Variants in APBB2 observed in about 807,000 individuals in gnomAD.
APBB2 encodes the protein Fe65-like 1.
In APBB2, 38 loss-of-function variants were observed where a neutral mutation model predicts 82.5. That is an observed-to-expected ratio of 0.46 (90% confidence interval 0.36 to 0.60). The LOEUF (loss-of-function observed/expected upper bound fraction) is 0.60. Among genes scored for constraint, APBB2 ranks in the 20% least tolerant of loss-of-function variants. The probability of loss-of-function intolerance (pLI) is 0.00; values close to 1 mark genes in which losing one functional copy is unlikely to be tolerated. For missense variants in APBB2, 772 were observed against 972.3 expected (o/e 0.79, Z 2.74); for synonymous variants, 341 against 368.2 (o/e 0.93, Z 0.85).
intron 12 of APBB2, among the ~76,000 whole-genome samples, chr4:40,867,696 C>T (rs947110436): frequency 2.6e-5 from 4 of 152,156 alleles, no homozygotes; most frequent in African/African-American, 4.8e-5. Flanking sequence ...TCTGAGATGA[C>T]GTTCCCATGT....
intron 3 of APBB2, among the ~76,000 whole-genome samples, chr4:41,097,280 ACCATTTTGAGCACATATTCAGAC>A (rs1344112866): frequency 6.6e-6 from 1 of 152,216 alleles, no homozygotes; most frequent in African/African-American, 2.4e-5. Flanking sequence ...AGTGACACTT[ACCATTTTGAGCACATATTCAGAC>A]CCATGAGCCT....
At chr4:41,107,442 G>C (rs1747663099) in intron 2 of APBB2, among the ~76,000 whole-genome samples, 1 of 152,204 alleles carries the variant, frequency 6.6e-6, no homozygotes, top group Non-Finnish European at 1.5e-5. Context: ...AAATATCAAA[G>C]GGAGAGCAGA....
chr4:41,053,548 A>G (rs957621705), intron 4 of APBB2, among the ~76,000 whole-genome samples: 2 of 152,238 alleles, frequency 1.3e-5, no homozygotes, highest in Admixed American at 1.3e-4. Flanking sequence ...AAATTTAATA[A>G]TACCATTACC....
intron 10 of APBB2, among the ~76,000 whole-genome samples, chr4:40,930,658 G>GT (rs1272146257): frequency 6.6e-6 from 1 of 152,228 alleles, no homozygotes; most frequent in East Asian, 1.9e-4. Context: ...TAAGTAGGGA[G>GT]TAAGGAAGAT....
intron 10 of APBB2, among the ~76,000 whole-genome samples, chr4:40,899,048 G>C (rs554565167): frequency 6.6e-6 from 1 of 152,282 alleles, no homozygotes; most frequent in East Asian, 1.9e-4. Context: ...CCTAAGTTAT[G>C]TGGTTCCTCA....
rs112929849 is a variant in APBB2 at position 40,954,094 on chromosome 4, G to C, written c.836-9021C>G. 4.7e-3 allele frequency among the ~76,000 whole-genome samples: 710 copies of C among 152,282 alleles called. 4 individuals are homozygous for C. Among genetic ancestry groups the C allele is most frequent in the Non-Finnish European group, 8.0e-3 (543 of 68,020 alleles). Reference sequence around the variant, plus strand: ...GGCTTCTGAACAAGGACCACTCCCGGGTGGGGCCAGTGTGTGAAGCAAACC... The same window carrying C: ...GGCTTCTGAACAAGGACCACTCCCGCGTGGGGCCAGTGTGTGAAGCAAACC... On this transcript the variant is annotated intron_variant, in intron 6 of 17. Coordinates refer to ENST00000508593, the MANE Select transcript of APBB2 (RefSeq NM_004307.2).
chr4:40,952,351 A>G (rs1291107157), intron 6 of APBB2, among the ~76,000 whole-genome samples: 1 of 152,102 alleles, frequency 6.6e-6, no homozygotes, highest in Non-Finnish European at 1.5e-5. Flanking sequence ...TCCTTATTAT[A>G]CACCGTGTAT....
chr4:40,966,362 T>C (rs1282575741), intron 6 of APBB2, among the ~76,000 whole-genome samples: 2 of 152,226 alleles, frequency 1.3e-5, no homozygotes, highest in Admixed American at 6.5e-5. Context: ...GCTATGATGC[T>C]GGCTGCAGTG....
chr4:41,144,521 C>T lies in APBB2; in HGVS notation c.-416-1379G>A, dbSNP rs572647219. Among the ~76,000 whole-genome samples the T allele has an allele frequency of 2.0e-5, 3 of 152,278 alleles. No homozygotes were observed. The South Asian group carries it at 6.2e-4, about 32-fold the overall frequency. ...GAATTTTTAAATAAGGGGTTTAAGA[C>T]TGCAGGAATACAAATCAGAAATGGG... On this transcript the variant is annotated intron_variant, in intron 1 of 17. Transcript: ENST00000508593.
intron 12 of APBB2, among the ~76,000 whole-genome samples, chr4:40,853,139 A>G (rs1760017039): frequency 6.6e-6 from 1 of 152,130 alleles, no homozygotes; most frequent in Non-Finnish European, 1.5e-5. Flanking sequence ...TTCAACCTCC[A>G]CATTTCCCCC....
intron 6 of APBB2, among the ~76,000 whole-genome samples, chr4:41,004,815 C>T (rs1428579950): frequency 4.8e-5 from 5 of 104,492 alleles, no homozygotes; most frequent in African/African-American, 1.5e-4. Flanking sequence ...CCAGCCTGGG[C>T]GACACAGCGA....
chr4:41,055,757 A>G (rs1242059436), intron 4 of APBB2, among the ~76,000 whole-genome samples: 1 of 152,216 alleles, frequency 6.6e-6, no homozygotes, highest in Non-Finnish European at 1.5e-5. Context: ...AGTTGCTTCT[A>G]TAGCTCCTGT....
chr4:40,980,922 T>C (rs928024202), intron 6 of APBB2, among the ~76,000 whole-genome samples: 2 of 152,212 alleles, frequency 1.3e-5, no homozygotes, highest in African/African-American at 4.8e-5. Context: ...TAGATTCATT[T>C]AGAAATTCTT....
chr4:40,866,963 T>A (rs1578079922), intron 12 of APBB2, among the ~76,000 whole-genome samples: 2 of 152,112 alleles, frequency 1.3e-5, no homozygotes, highest in South Asian at 4.1e-4. Flanking sequence ...ACTATGTTGG[T>A]CAGGCTGGTC....
intron 12 of APBB2, among the ~76,000 whole-genome samples, chr4:40,831,596 A>G (rs2154302809): frequency 6.6e-6 from 1 of 152,334 alleles, no homozygotes. Context: ...ACAGTGGCGC[A>G]GCGGAAGCAA....
intron 3 of APBB2, among the ~76,000 whole-genome samples, chr4:41,068,821 G>T (rs1162607599): frequency 5.2e-5 from 6 of 114,978 alleles, no homozygotes; most frequent in African/African-American, 2.1e-4. Flanking sequence ...TTTTGAGATG[G>T]AGTCTCGCTC....
At chr4:41,049,443 A>G (rs13121218) in intron 4 of APBB2, among the ~76,000 whole-genome samples, 6,236 of 82,512 alleles carry the variant, frequency 0.076, 168 homozygotes, top group African/African-American at 0.12. Context: ...CCGGCCAGCC[A>G]ACCCCTCCGC....
At chr4:40,908,248 G>A (rs1347400331) in intron 10 of APBB2, among the ~76,000 whole-genome samples, 2 of 152,078 alleles carry the variant, frequency 1.3e-5, no homozygotes, top group Non-Finnish European at 2.9e-5. Context: ...GTGACCTTGG[G>A]CTCCCAGCCT....
intron 1 of APBB2, among the ~76,000 whole-genome samples, chr4:41,166,973 G>T (rs1041226668): frequency 4.6e-5 from 7 of 152,134 alleles, no homozygotes; most frequent in African/African-American, 1.7e-4. Context: ...CTGCATTTTG[G>T]GGTTAAACCC....
Sources: gnomAD v4.1 joint callset for allele counts (sites outside exome capture counted in the v4.1 genomes callset) on GRCh38, gnomAD v4.1.1 for gene constraint, MANE v1.5 for transcripts, NCBI Gene and HGNC (gene_info 2026-07-23, HGNC 2026-07-21) for gene names.